Variants in GPC5 observed in about 807,000 individuals in gnomAD.
The protein encoded by GPC5 is glypican 5, also known as glypican-5.
Under a neutral mutation model 53.9 loss-of-function variants are expected in GPC5, and 47 were observed. That is an observed-to-expected ratio of 0.87 (90% CI 0.69 to 1.11). GPC5 has a LOEUF of 1.11. Among genes scored for constraint, GPC5 ranks in the 50% most tolerant of loss-of-function variants. The pLI, the probability that GPC5 is intolerant of heterozygous loss-of-function variation, is 0.00. For synonymous variants in GPC5, 286 were observed against 263.3 expected, an observed-to-expected ratio of 1.09 and a Z score of -0.84; for missense variants, 748 against 713.1, an observed-to-expected ratio of 1.05 and a Z score of -0.56.
chr13:92,852,120 G>T (rs1295233210), intron 7 of GPC5, among the ~76,000 whole-genome samples: 1 of 152,178 alleles, frequency 6.6e-6, no homozygotes. Context: ...CAGAGTGAAA[G>T]AAAGAGGAAT....
At chr13:91,564,998 G>GGGCA (rs1555324956) in intron 2 of GPC5, among the ~76,000 whole-genome samples, 1 of 57,482 alleles carries the variant, frequency 1.7e-5, no homozygotes. Context: ...TTTTTTGGGG[G>GGGCA]GGGGTCGGTG....
chr13:92,566,949 G>C (rs1420958625), intron 7 of GPC5, among the ~76,000 whole-genome samples: 2 of 152,030 alleles, frequency 1.3e-5, no homozygotes, highest in African/African-American at 4.8e-5. Flanking sequence ...ATAAATATTT[G>C]ATGACACATT....
At chr13:91,882,670 G>GTTTTTTTTTT in intron 5 of GPC5, among the ~76,000 whole-genome samples, 2 of 59,322 alleles carry the variant, frequency 3.4e-5, no homozygotes, top group Non-Finnish European at 6.1e-5. Flanking sequence ...TGTTTTTTGG[G>GTTTTTTTTTT]TTTTTTTTTT....
intron 7 of GPC5, among the ~76,000 whole-genome samples, chr13:92,208,692 G>A (rs776815239): frequency 7.9e-5 from 12 of 152,094 alleles, no homozygotes; most frequent in African/African-American, 1.4e-4. Flanking sequence ...TGAAAGGGTC[G>A]CTCTACCATA....
intron 2 of GPC5, among the ~76,000 whole-genome samples, chr13:91,505,119 C>T (rs994204688): frequency 1.3e-5 from 2 of 152,032 alleles, no homozygotes; most frequent in Non-Finnish European, 2.9e-5. Context: ...TTTTAAGGCG[C>T]GTATTTTTTT....
intron 7 of GPC5, among the ~76,000 whole-genome samples, chr13:92,406,892 A>G (rs1875818342): frequency 6.6e-6 from 1 of 152,184 alleles, no homozygotes; most frequent in South Asian, 2.1e-4. Flanking sequence ...CAGCTTCTCA[A>G]TTACTGGACA....
chr13:91,723,343 A>G (rs914602012), intron 3 of GPC5, among the ~76,000 whole-genome samples: 2 of 151,872 alleles, frequency 1.3e-5, no homozygotes, highest in Non-Finnish European at 2.9e-5. Context: ...ATCTATTTGC[A>G]TGGGTTTAAC....
intron 5 of GPC5, among the ~76,000 whole-genome samples, chr13:91,831,762 T>C (rs1461936842): frequency 6.6e-6 from 1 of 152,026 alleles, no homozygotes; most frequent in African/African-American, 2.4e-5. Flanking sequence ...CATGTAGTTG[T>C]GCAGTTTTGA....
At chr13:92,859,604 T>C (rs866523469) in intron 7 of GPC5, among the ~76,000 whole-genome samples, 1 of 152,102 alleles carries the variant, frequency 6.6e-6, no homozygotes, top group South Asian at 2.1e-4. Flanking sequence ...AAATTACCTG[T>C]AAATTCTTAT....
In GPC5 at chr13:92,610,470, AG is replaced by A. The variant is rs375215766; in HGVS notation, c.1562-255811del. Among the ~76,000 whole-genome samples, 29 of 152,300 alleles carry A rather than the reference AG, an allele frequency of 1.9e-4. No individual in the cohort carries two copies. In the South Asian group the frequency reaches 5.6e-3, roughly 29 times the overall value. On this transcript the variant is annotated intron_variant, in intron 7 of 7. Coordinates refer to ENST00000377067, the MANE Select transcript of GPC5 (RefSeq NM_004466.6). The stretch of plus-strand genomic sequence containing the variant: ...TGATGACACTTCCAAGGTACCATAT[AG>A]TACCTCAATTTCTTTAGTCTCACAA...
chr13:92,752,008 ATC>A (rs1367734790), intron 7 of GPC5, among the ~76,000 whole-genome samples: 9 of 151,994 alleles, frequency 5.9e-5, no homozygotes, highest in African/African-American at 2.2e-4. Flanking sequence ...ATATAATAGT[ATC>A]TGTTTTAATT....
chr13:91,660,400 C>G (rs1156832631), intron 2 of GPC5, among the ~76,000 whole-genome samples: 3 of 152,132 alleles, frequency 2.0e-5, no homozygotes, highest in Non-Finnish European at 4.4e-5. Context: ...AAGCAAATAT[C>G]TGAGGCCTGC....
chr13:92,113,955 G>A (rs192541117), intron 6 of GPC5, among the ~76,000 whole-genome samples: 66 of 152,194 alleles, frequency 4.3e-4, no homozygotes, highest in Non-Finnish European at 7.2e-4. Flanking sequence ...AAAACTAAAG[G>A]TAATGTGAAA....
At chr13:92,752,918 C>T (rs968630308) in intron 7 of GPC5, among the ~76,000 whole-genome samples, 4 of 152,146 alleles carry the variant, frequency 2.6e-5, no homozygotes, top group African/African-American at 9.7e-5. Context: ...GGGGGAGGGG[C>T]GCATACCATT....
intron 7 of GPC5, among the ~76,000 whole-genome samples, chr13:92,638,707 G>A (rs1371164886): frequency 2.6e-5 from 4 of 152,112 alleles, no homozygotes; most frequent in Non-Finnish European, 4.4e-5. Flanking sequence ...AATAATGTTT[G>A]TAATCTAGTT....
At chr13:91,744,433 T>C (rs1318960925) in intron 4 of GPC5, among the ~76,000 whole-genome samples, 2 of 152,178 alleles carry the variant, frequency 1.3e-5, no homozygotes, top group African/African-American at 4.8e-5. Flanking sequence ...GATTTCCTAG[T>C]GCTAATGCCT....
At chr13:91,588,059 A>G (rs187274492) in intron 2 of GPC5, among the ~76,000 whole-genome samples, 28 of 152,220 alleles carry the variant, frequency 1.8e-4, no homozygotes, top group Admixed American at 1.2e-3. Context: ...ATGCTACCTT[A>G]TACAAATTGA....
chr13:91,443,039 C>T (rs1880546582), intron 1 of GPC5, among the ~76,000 whole-genome samples: 1 of 152,100 alleles, frequency 6.6e-6, no homozygotes, highest in African/African-American at 2.4e-5. Context: ...TTTAAAAAAT[C>T]AATACAGTCC....
chr13:91,681,721 A>T (rs2035513343), intron 2 of GPC5, among the ~76,000 whole-genome samples: 2 of 152,170 alleles, frequency 1.3e-5, no homozygotes, highest in Admixed American at 1.3e-4. Context: ...AGAGATTAGG[A>T]TGCAGTTTTG....
Sources: allele counts gnomAD v4.1 joint callset (sites outside exome capture counted in the v4.1 genomes callset), GRCh38; gene constraint gnomAD v4.1.1; transcripts MANE v1.5; gene names NCBI Gene and HGNC (gene_info 2026-07-23, HGNC 2026-07-21).